The following GALNTL6 variants were observed in gnomAD, a reference collection of about 807,000 sequenced individuals.
The protein encoded by GALNTL6 is polypeptide N-acetylgalactosaminyltransferase like 6, also known as polypeptide N-acetylgalactosaminyltransferase-like 6.
Under a neutral mutation model 73.7 loss-of-function variants are expected in GALNTL6, and 46 were observed. That is an observed-to-expected ratio of 0.62 (90% confidence interval 0.49 to 0.80). GALNTL6 has a LOEUF of 0.80. GALNTL6 is among the 30% of genes least tolerant of loss of function. The pLI is 0.00. For missense variants in GALNTL6, 604 were observed against 755.0 expected, an observed-to-expected ratio of 0.80 and a Z score of 2.34; for synonymous variants, 259 against 263.7, an observed-to-expected ratio of 0.98 and a Z score of 0.17.
At chr4:171,981,900 A>G (rs1739907644) in intron 2 of GALNTL6, among the ~76,000 whole-genome samples, 1 of 151,886 alleles carries the variant, frequency 6.6e-6, no homozygotes, top group Non-Finnish European at 1.5e-5. Flanking sequence ...GAAAAAATGT[A>G]AATATTTATA....
At chr4:171,880,216 T>C (rs1275115008) in intron 2 of GALNTL6, among the ~76,000 whole-genome samples, 2 of 152,208 alleles carry the variant, frequency 1.3e-5, no homozygotes, top group Non-Finnish European at 2.9e-5. Context: ...TTGTTCAGCC[T>C]GATTTGTAGC....
intron 5 of GALNTL6, among the ~76,000 whole-genome samples, chr4:172,555,779 T>C (rs1186325101): frequency 6.6e-6 from 1 of 152,098 alleles, no homozygotes; most frequent in East Asian, 1.9e-4. Context: ...TAAAAGAATT[T>C]TTAACTCTAA....
chr4:172,949,463 A>G (rs1164419951), intron 9 of GALNTL6, among the ~76,000 whole-genome samples: 1 of 152,214 alleles, frequency 6.6e-6, no homozygotes, highest in East Asian at 1.9e-4. Flanking sequence ...ATTTTCACTT[A>G]TCACAGAGGT....
chr4:172,411,597 C>A (rs1160819136), intron 5 of GALNTL6, among the ~76,000 whole-genome samples: 1 of 151,490 alleles, frequency 6.6e-6, no homozygotes, highest in African/African-American at 2.4e-5. Flanking sequence ...ACCTTTTTCA[C>A]CTCACTGGAC....
chr4:172,881,866 C>T (rs1296099333), intron 7 of GALNTL6, among the ~76,000 whole-genome samples: 2 of 152,140 alleles, frequency 1.3e-5, no homozygotes, highest in African/African-American at 4.8e-5. Context: ...AGCGCAGCCT[C>T]ACCACGCTAG....
chr4:172,880,313 A>G (rs1467605855), intron 7 of GALNTL6, among the ~76,000 whole-genome samples: 1 of 152,116 alleles, frequency 6.6e-6, no homozygotes, highest in East Asian at 1.9e-4. Context: ...ATAGAATACT[A>G]CTCTGCAATT....
intron 10 of GALNTL6, 148 bp from the exon 11 acceptor site, chr4:173,009,030 T>A: frequency 1.6e-6 from 1 of 634,722 alleles, no homozygotes. Flanking sequence ...TTTTTCTCCA[T>A]AAATTGCATA....
intron 4 of GALNTL6, among the ~76,000 whole-genome samples, chr4:172,336,210 G>A (rs1472266898): frequency 6.6e-6 from 1 of 150,554 alleles, no homozygotes; most frequent in Non-Finnish European, 1.5e-5. Flanking sequence ...CCCAAAAGGA[G>A]CAAGTTGTTT....
intron 7 of GALNTL6, among the ~76,000 whole-genome samples, chr4:172,822,502 C>T (rs73871848): frequency 0.01 from 1,592 of 152,296 alleles, 29 homozygotes; most frequent in African/African-American, 0.036. Context: ...CCAAACCTTA[C>T]GGTGACTTTT....
At chr4:172,139,619 G>A (rs138035687) in intron 2 of GALNTL6, among the ~76,000 whole-genome samples, 250 of 152,266 alleles carry the variant, frequency 1.6e-3, no homozygotes, top group African/African-American at 5.4e-3. Flanking sequence ...TGAAATTGAT[G>A]AATGTTTTTG....
chr4:172,583,743 T>C (rs1378418697), intron 5 of GALNTL6, among the ~76,000 whole-genome samples: 1 of 151,154 alleles, frequency 6.6e-6, no homozygotes, highest in African/African-American at 2.4e-5. Flanking sequence ...CTACTAAAAA[T>C]ACAAAAATTA....
chr4:172,111,270 G>A (rs535952563), intron 2 of GALNTL6, among the ~76,000 whole-genome samples: 44 of 151,922 alleles, frequency 2.9e-4, no homozygotes, highest in East Asian at 9.7e-4. Context: ...CACCCAGCCC[G>A]GTCTTACAAA....
chr4:172,890,976 A>C (rs1561016743), intron 8 of GALNTL6, among the ~76,000 whole-genome samples: 1 of 152,110 alleles, frequency 6.6e-6, no homozygotes, highest in East Asian at 1.9e-4. Context: ...TTTTTGGTTT[A>C]AAATCTGTTT....
At chr4:172,442,575 A>G (rs1477310615) in intron 5 of GALNTL6, among the ~76,000 whole-genome samples, 2 of 152,194 alleles carry the variant, frequency 1.3e-5, no homozygotes, top group Non-Finnish European at 2.9e-5. Flanking sequence ...TGTAGCCTTT[A>G]AACTCAACAA....
intron 9 of GALNTL6, among the ~76,000 whole-genome samples, chr4:172,948,618 A>ATT (rs369982668): frequency 0.03 from 4,142 of 136,480 alleles, 97 homozygotes; most frequent in Middle Eastern, 0.049. Flanking sequence ...AGCCTCGCTA[A>ATT]TTTTTTTTTT....
At chr4:173,033,625 C>T (rs1050667889) in intron 12 of GALNTL6, among the ~76,000 whole-genome samples, 6 of 152,188 alleles carry the variant, frequency 3.9e-5, no homozygotes, top group African/African-American at 4.8e-5. Context: ...TCCCACTCCC[C>T]TCCTGCCCAC....
chr4:172,265,458 G>A (rs1173981354), intron 3 of GALNTL6, among the ~76,000 whole-genome samples: 3 of 152,090 alleles, frequency 2.0e-5, no homozygotes, highest in South Asian at 4.1e-4. Context: ...GTCAGTCTAC[G>A]ACATCAATCA....
intron 5 of GALNTL6, among the ~76,000 whole-genome samples, chr4:172,705,337 T>A (rs994220318): frequency 2.0e-5 from 3 of 151,878 alleles, no homozygotes; most frequent in African/African-American, 7.2e-5. Context: ...TATTTTTAGT[T>A]TTTATATTAT....
intron 5 of GALNTL6, among the ~76,000 whole-genome samples, chr4:172,769,819 G>A (rs1738658537): frequency 6.6e-6 from 1 of 152,180 alleles, no homozygotes; most frequent in Non-Finnish European, 1.5e-5. Context: ...ATTCTGTGCA[G>A]AGGAATCATT....
Sources: gnomAD v4.1 joint callset for allele counts (sites outside exome capture counted in the v4.1 genomes callset) on GRCh38, gnomAD v4.1.1 for gene constraint, MANE v1.5 for transcripts, NCBI Gene and HGNC (gene_info 2026-07-23, HGNC 2026-07-21) for gene names.